The following ERBB4 variants were observed in gnomAD, a reference collection of about 807,000 sequenced individuals.
ERBB4 encodes the protein receptor tyrosine-protein kinase erbB-4.
In ERBB4, 42 loss-of-function variants were observed where a neutral mutation model predicts 158.0. The ratio of observed to expected loss-of-function variants is 0.27; its 90% confidence interval spans 0.21 to 0.34. ERBB4 has a LOEUF of 0.34. ERBB4 is among the 10% of genes least tolerant of loss of function. The pLI is 1.00. For synonymous variants in ERBB4, 583 were observed against 558.7 expected, an observed-to-expected ratio of 1.04 and a Z score of -0.61; for missense variants, 1,333 against 1,624.1, an observed-to-expected ratio of 0.82 and a Z score of 3.08.
Position 211,383,948 on chromosome 2 carries a change from G to C in ERBB4, c.3594C>G (p.Ala1198=), listed in dbSNP as rs144904702. ...GTGGCTCATTCACATACTCATCCTC[G>C]GCCTTGGGTGGACCATTGGATGCAT... is the stretch of plus-strand genomic sequence containing the variant. ...YHNASNGPPK[A]EDEYVNEPLY... Residue 1198 remains alanine (A), a synonymous_variant, in exon 28 of 28, where the codon GCC becomes GCG. Transcript: ENST00000342788. 6.2e-7 allele frequency: 1 copy of C among 1,613,932 alleles called. No individual in the cohort carries two copies. The highest frequency in any genetic ancestry group is 8.5e-7 in the Non-Finnish European group (1 of 1,179,984).
chr2:212,109,779 A>G (rs1343432267), intron 2 of ERBB4, among the ~76,000 whole-genome samples: 1 of 152,206 alleles, frequency 6.6e-6, no homozygotes, highest in Non-Finnish European at 1.5e-5. Context: ...CAATATTAAT[A>G]AATAATAAGA....
In ERBB4 at chr2:212,249,651, C is replaced by T. The variant is rs542872991; in HGVS notation, c.83-124748G>A. On this transcript the variant is annotated intron_variant, in intron 1 of 27. Coordinates refer to ENST00000342788, the MANE Select transcript of ERBB4 (RefSeq NM_005235.3). ...GTTACTGAGCTGCTGAAAGCTGCTG[C>T]CCCCACCTGGGCATTAAACAACAAG... Among the ~76,000 whole-genome samples the T allele has an allele frequency of 2.6e-5, 4 of 152,056 alleles. No homozygotes were observed. In the South Asian group the frequency reaches 6.2e-4, roughly 24 times the overall value.
intron 21 of ERBB4, among the ~76,000 whole-genome samples, chr2:211,429,911 T>G (rs998513296): frequency 6.6e-6 from 1 of 152,222 alleles, no homozygotes; most frequent in Non-Finnish European, 1.5e-5. Flanking sequence ...AAATCTTATG[T>G]TCTCAAGACA....
At chr2:211,932,556 A>G (rs1270155147) in intron 3 of ERBB4, among the ~76,000 whole-genome samples, 1 of 151,996 alleles carries the variant, frequency 6.6e-6, no homozygotes, top group African/African-American at 2.4e-5. Context: ...AATATTTTAG[A>G]AAGAAAACCA....
At chr2:211,712,265 T>C (rs1270547954) in intron 8 of ERBB4, 89 bp from the exon 9 acceptor site, 6 of 1,251,042 alleles carry the variant, frequency 4.8e-6, no homozygotes, top group South Asian at 1.3e-5. Context: ...TAGCAGAGTA[T>C]TTTTAATTGT....
chr2:212,144,352 T>C (rs945517838), intron 1 of ERBB4, among the ~76,000 whole-genome samples: 23 of 152,202 alleles, frequency 1.5e-4, no homozygotes, highest in African/African-American at 5.5e-4. Context: ...CGCTACAATA[T>C]CCCTTCACAC....
At chr2:211,806,253 G>C (rs1045647978) in intron 3 of ERBB4, among the ~76,000 whole-genome samples, 5 of 152,098 alleles carry the variant, frequency 3.3e-5, no homozygotes, top group Admixed American at 2.6e-4. Context: ...GAGAATGAGA[G>C]ACTAAGGAGA....
intron 20 of ERBB4, among the ~76,000 whole-genome samples, chr2:211,527,724 G>A (rs755844965): frequency 2.0e-5 from 3 of 152,046 alleles, no homozygotes; most frequent in Non-Finnish European, 2.9e-5. Context: ...AAGTTAAAGT[G>A]TAGAGTTTTT....
chr2:211,973,424 T>A (rs839506), intron 2 of ERBB4, among the ~76,000 whole-genome samples: 99,183 of 151,824 alleles, frequency 0.65, 33,317 homozygotes, highest in Non-Finnish European at 0.75. Context: ...GATGGTCTCA[T>A]TCTCCTGACT....
chr2:212,109,788 G>A (rs1208143336), intron 2 of ERBB4, among the ~76,000 whole-genome samples: 1 of 152,146 alleles, frequency 6.6e-6, no homozygotes, highest in Non-Finnish European at 1.5e-5. Flanking sequence ...TAAATAATAA[G>A]ATATATTTCT....
intron 3 of ERBB4, among the ~76,000 whole-genome samples, chr2:211,821,964 G>C (rs980290513): frequency 1.3e-4 from 19 of 151,932 alleles, no homozygotes; most frequent in African/African-American, 4.6e-4. Context: ...TTATGAATAA[G>C]ACCCTAATAA....
intron 3 of ERBB4, among the ~76,000 whole-genome samples, chr2:211,944,206 A>ATATATATATAG (rs371912701): frequency 0.094 from 9,761 of 103,786 alleles, 767 homozygotes; most frequent in Non-Finnish European, 0.1. Flanking sequence ...TATACTATAT[A>ATATATATATAG]TATATATACA....
intron 5 of ERBB4, among the ~76,000 whole-genome samples, chr2:211,743,340 C>T (rs2106188856): frequency 1.3e-5 from 2 of 152,188 alleles, no homozygotes; most frequent in South Asian, 4.1e-4. Flanking sequence ...TTTTCCCCCT[C>T]CTCACTCAAA....
intron 1 of ERBB4, among the ~76,000 whole-genome samples, chr2:212,391,656 T>C (rs1169594603): frequency 1.4e-5 from 2 of 141,606 alleles, no homozygotes; most frequent in Admixed American, 7.4e-5. Flanking sequence ...TTATATATTA[T>C]ATTATGTATT....
chr2:211,696,055 CT>C lies in ERBB4; in HGVS notation c.1489+5911del, dbSNP rs1265195148. ...TCCTTCCCTCCTTCCCCTTCCCCCC[CT>C]CCCTCCCTCCCTCCTTCCTTCCTTC... On this transcript the variant is annotated intron_variant, in intron 12 of 27. Transcript: ENST00000342788. 8.5e-3 allele frequency among the ~76,000 whole-genome samples: 995 copies of C among 117,136 alleles called. 9 individuals carry two copies. Among genetic ancestry groups the C allele is most frequent in the African/African-American group, 0.028 (872 of 31,690 alleles). The allele number at this position is 117,136 out of a possible 152,430, so 76.8% of individuals were successfully genotyped here.
intron 3 of ERBB4, among the ~76,000 whole-genome samples, chr2:211,834,502 G>T (rs1034544486): frequency 1.3e-5 from 2 of 151,818 alleles, no homozygotes; most frequent in African/African-American, 4.8e-5. Context: ...AAAAGAAGGG[G>T]GGTAGGGGCA....
At chr2:212,263,684 T>TTC (rs894380702) in intron 1 of ERBB4, among the ~76,000 whole-genome samples, 1 of 152,052 alleles carries the variant, frequency 6.6e-6, no homozygotes, top group African/African-American at 2.4e-5. Context: ...TAATACATTT[T>TTC]TCTCTAATTT....
intron 1 of ERBB4, among the ~76,000 whole-genome samples, chr2:212,145,086 T>G (rs1276829831): frequency 6.6e-6 from 1 of 152,198 alleles, no homozygotes; most frequent in East Asian, 1.9e-4. Context: ...GTCAAAACAT[T>G]TGGAGTATTT....
chr2:212,080,492 A>G (rs2078405526), intron 2 of ERBB4, among the ~76,000 whole-genome samples: 1 of 151,778 alleles, frequency 6.6e-6, no homozygotes, highest in Non-Finnish European at 1.5e-5. Flanking sequence ...TCTCATGCTT[A>G]CCATCCATTA....
Sources: allele counts gnomAD v4.1 joint callset (sites outside exome capture counted in the v4.1 genomes callset), GRCh38; gene constraint gnomAD v4.1.1; transcripts MANE v1.5; gene names NCBI Gene and HGNC (gene_info 2026-07-23, HGNC 2026-07-21).